Variants in ERI1 observed in about 807,000 individuals in gnomAD.
ERI1 encodes 3'-5' exoribonuclease 1.
ERI1 carries 39 observed loss-of-function variants against 39.7 expected under a neutral mutation model. The ratio of observed to expected loss-of-function variants is 0.98; its 90% confidence interval spans 0.76 to 1.28. The LOEUF (loss-of-function observed/expected upper bound fraction) is 1.28, where lower values mean the gene tolerates loss of function less well. Ranked by LOEUF, ERI1 falls within the 50% of genes most tolerant of loss-of-function variation. The probability of loss-of-function intolerance (pLI) is 0.00; values close to 1 mark genes in which losing one functional copy is unlikely to be tolerated. For synonymous variants in ERI1, 204 were observed against 149.6 expected (o/e 1.36, Z -2.65); for missense variants, 581 against 416.9 (o/e 1.39, Z -3.43).
chr8:9,055,484 G>T (rs1299838904), intron 3 of ERI1, among the ~76,000 whole-genome samples: 1 of 152,220 alleles, frequency 6.6e-6, no homozygotes, highest in African/African-American at 2.4e-5. Flanking sequence ...CTTCCTTGGT[G>T]TAGGGCAGGA....
intron 4 of ERI1, among the ~76,000 whole-genome samples, chr8:9,017,653 A>G (rs1048164387): frequency 6.6e-6 from 1 of 152,154 alleles, no homozygotes; most frequent in Admixed American, 6.5e-5. Context: ...GTCATGAAAG[A>G]TAGGTAGGCA....
At chr8:9,015,427 A>C (rs1157176761) in intron 3 of ERI1, among the ~76,000 whole-genome samples, 1 of 152,096 alleles carries the variant, frequency 6.6e-6, no homozygotes, top group Non-Finnish European at 1.5e-5. Flanking sequence ...CTAGAGGAAA[A>C]AGCACTTAGA....
At chr8:9,034,631 C>T (rs1797782780), downstream of ERI1, among the ~76,000 whole-genome samples, 1 of 151,954 alleles carries the variant, frequency 6.6e-6, no homozygotes, top group Non-Finnish European at 1.5e-5. Context: ...CCCATCGCTC[C>T]CTCTCCAGAC....
rs139762574 is a variant in ERI1, at chr8:9,029,840, A to G, written c.856A>G (p.Met286Val). ...GACAATAATGCTTGAAAAATTAGGA[A>G]TGGATTATGATGGGCGGCCTCACTG... Reference protein sequence around the residue: ...KLTIMLEKLGMDYDGRPHCGL... With the variant: ...KLTIMLEKLGVDYDGRPHCGL... The change falls in exon 7 of 7, where the codon ATG becomes GTG. Residue 286 changes from methionine to valine, a missense_variant. Transcript: ENST00000250263. 9.9e-5 allele frequency: 160 copies of G among 1,614,214 alleles called. No individual in the cohort carries two copies. Among genetic ancestry groups the G allele is most frequent in the Non-Finnish European group, 1.3e-4 (149 of 1,180,028 alleles).
intron 3 of ERI1, among the ~76,000 whole-genome samples, chr8:9,076,975 A>T (rs1226711336): frequency 6.6e-6 from 1 of 152,240 alleles, no homozygotes; most frequent in African/African-American, 2.4e-5. Context: ...GGTGAGGTAG[A>T]GATAGCTGTT....
intron 3 of ERI1, chr8:9,062,739 G>A (rs1043215275): frequency 6.6e-6 from 1 of 151,600 alleles, no homozygotes; most frequent in African/African-American, 2.4e-5. Context: ...GAGTCAGTCA[G>A]AGAGCCTTGG....
At chr8:9,057,085 G>A (rs1029338179) in intron 3 of ERI1, among the ~76,000 whole-genome samples, 6 of 152,056 alleles carry the variant, frequency 3.9e-5, no homozygotes, top group African/African-American at 7.2e-5. Context: ...TGCCTGCCTC[G>A]GCCTCCAAAA....
intron 3 of ERI1, among the ~76,000 whole-genome samples, chr8:9,080,954 A>T (rs1799348834): frequency 6.6e-6 from 1 of 152,204 alleles, no homozygotes; most frequent in African/African-American, 2.4e-5. Context: ...TGCTATAAGG[A>T]TACTACTTGA....
intron 3 of ERI1, among the ~76,000 whole-genome samples, chr8:9,095,891 C>T (rs1799862510): frequency 6.6e-6 from 1 of 152,116 alleles, no homozygotes; most frequent in Non-Finnish European, 1.5e-5. Flanking sequence ...AGGCACTTGG[C>T]CTTACTAGCC....
chr8:9,020,241 A>C, intron 5 of ERI1, 109 bp from the exon 6 acceptor site: 1 of 528,436 alleles, frequency 1.9e-6, no homozygotes, highest in Admixed American at 4.0e-5. Context: ...TTGATGTTAC[A>C]TTTGAATATG....
intron 3 of ERI1, among the ~76,000 whole-genome samples, chr8:9,087,822 G>T (rs555224712): frequency 6.6e-6 from 1 of 152,178 alleles, no homozygotes; most frequent in African/African-American, 2.4e-5. Context: ...GATTCAGGTA[G>T]GGACAACACA....
In ERI1 at chr8:9,016,312, T is replaced by A. The variant is rs1817280494; in HGVS notation, c.499-10T>A. On this transcript the variant is annotated splice_polypyrimidine_tract_variant and intron_variant, in intron 3 of 6. Coordinates refer to ENST00000250263, the MANE Select transcript of ERI1 (RefSeq NM_153332.4). ...ATAAATTACTTTAACTTGCTATCCT[T>A]CCCTTGCAGGAAGACACGTTTCAGC... The A allele has an allele frequency of 6.4e-7, 1 of 1,574,416 alleles. No homozygotes were observed. The highest frequency in any genetic ancestry group is 8.7e-7 in the Non-Finnish European group (1 of 1,155,672).
At chr8:9,020,250 T>G in intron 5 of ERI1, 100 bp from the exon 6 acceptor site, 1 of 546,912 alleles carries the variant, frequency 1.8e-6, no homozygotes. Context: ...CATTTGAATA[T>G]GAGAAAGTTG....
intron 3 of ERI1, among the ~76,000 whole-genome samples, chr8:9,073,728 C>G (rs1585285150): frequency 6.6e-6 from 1 of 152,144 alleles, no homozygotes; most frequent in Non-Finnish European, 1.5e-5. Context: ...TAGAAAGCCT[C>G]TTATTTCTTA....
chr8:9,040,586 C>G (rs1196407837), intron 3 of ERI1, among the ~76,000 whole-genome samples: 1 of 152,074 alleles, frequency 6.6e-6, no homozygotes, highest in Admixed American at 6.6e-5. Flanking sequence ...GTAAAATTAC[C>G]CTTGCTGAGG....
At chr8:9,051,392 C>G (rs1193762855) in intron 3 of ERI1, among the ~76,000 whole-genome samples, 4 of 151,958 alleles carry the variant, frequency 2.6e-5, no homozygotes, top group African/African-American at 7.3e-5. Flanking sequence ...CGTGGTGGCT[C>G]ATGCCTGTAA....
At chr8:9,082,415 C>G (rs1799399232) in intron 3 of ERI1, among the ~76,000 whole-genome samples, 1 of 152,150 alleles carries the variant, frequency 6.6e-6, no homozygotes, top group South Asian at 2.1e-4. Context: ...ACCTGATCAT[C>G]TGGTGTTAAT....
intron 3 of ERI1, among the ~76,000 whole-genome samples, chr8:9,099,045 G>A (rs557178655): frequency 6.6e-6 from 1 of 152,160 alleles, no homozygotes; most frequent in South Asian, 2.1e-4. Flanking sequence ...ATTTTGGCCA[G>A]GCTGGTCTCG....
chr8:9,040,876 G>A (rs955131806), intron 3 of ERI1, among the ~76,000 whole-genome samples: 2 of 152,058 alleles, frequency 1.3e-5, no homozygotes, highest in African/African-American at 2.4e-5. Flanking sequence ...CCATCAGCCC[G>A]CCAGCACCAA....
Sources: allele counts gnomAD v4.1 joint callset (sites outside exome capture counted in the v4.1 genomes callset), GRCh38; gene constraint gnomAD v4.1.1; transcripts MANE v1.5; gene names NCBI Gene and HGNC (gene_info 2026-07-23, HGNC 2026-07-21).